ATG2B: variants seen among roughly 807,000 people sequenced by gnomAD.
ATG2B encodes autophagy related 2B.
In ATG2B, 121 loss-of-function variants were observed where a neutral mutation model predicts 241.3. That is an observed-to-expected ratio of 0.50 (90% confidence interval 0.43 to 0.58). The LOEUF is 0.58. Among genes scored for constraint, ATG2B ranks in the 20% least tolerant of loss-of-function variants. The pLI is 0.00. For synonymous variants in ATG2B, 858 were observed against 876.6 expected (o/e 0.98, Z 0.37); for missense variants, 2,306 against 2,491.6 (o/e 0.93, Z 1.59).
intron 5 of ATG2B, 74 bp from the exon 6 acceptor site, chr14:96,341,775 C>T (rs1309882018): frequency 7.0e-6 from 8 of 1,134,802 alleles, no homozygotes; most frequent in Admixed American, 3.1e-5. Context: ...ATATAAATGT[C>T]AACTTAAGAA....
At position 96,309,401 on chromosome 14, in the gene ATG2B, A is replaced by T. The variant is rs2289627; in HGVS notation, c.4303+52T>A. ...ATTAAATTTACGAGAACACAAATAAAGTAAGCCCCAACATTAACATCAGTG... is the reference window on the plus strand; with the variant it reads ...ATTAAATTTACGAGAACACAAATAATGTAAGCCCCAACATTAACATCAGTG... On this transcript the variant is annotated intron_variant, in intron 29 of 41. Transcript: ENST00000359933. 5.0e-3 allele frequency: 7,756 copies of T among 1,541,746 alleles called. 271 individuals carry two copies. In the South Asian group the frequency reaches 0.064, roughly 13 times the overall value.
rs760536921 is a variant in ATG2B, at chr14:96,292,066, C to T, written c.5459G>A (p.Arg1820Gln). The T allele has an allele frequency of 4.4e-6, 7 of 1,597,794 alleles. No homozygotes were observed. In the East Asian group the frequency reaches 6.8e-5, roughly 16 times the overall value. Residue 1820 changes from arginine (R) to glutamine (Q), a missense_variant, in exon 37 of 42, where the codon CGA becomes CAA. Physicochemically the swap from Arg to Gln is conservative, Grantham distance 43 (BLOSUM62 1). Around this residue, in one of 2 missense-constraint regions of ATG2B, gnomAD observed 379 missense variants for 480.4 expected, o/e 0.79. Transcript: ENST00000359933. ...EFRFTSEVPI[R>Q]LDYHGKHVSM... ...TACATGTTTGCCATGATAATCAAGT[C>T]GAATGGGAACTTCTGACGTGAATCT...
intron 29 of ATG2B, among the ~76,000 whole-genome samples, chr14:96,308,282 A>ATATATAT (rs1566720002): frequency 2.7e-5 from 1 of 37,036 alleles, no homozygotes; most frequent in Non-Finnish European, 5.1e-5. Context: ...ATATATATAT[A>ATATATAT]TTTTTTTTTT....
chr14:96,313,482 G>C lies in ATG2B; in HGVS notation c.3643-47C>G, dbSNP rs755374455. 6 of 1,043,536 alleles carry C rather than the reference G, an allele frequency of 5.7e-6. 1 individual carries two copies. Among genetic ancestry groups the C allele is most frequent in the Non-Finnish European group, 8.4e-6 (6 of 717,016 alleles). The allele number at this position is 1,043,536 out of a possible 1,614,324, so 64.6% of individuals were successfully genotyped here. ...ACGCCCTGCTTTAGAAGAAAAAAAA[G>C]GTTTCATATAATATCCTTAATACCA... On this transcript the variant is annotated intron_variant, in intron 23 of 41. Coordinates refer to ENST00000359933, the MANE Select transcript of ATG2B (RefSeq NM_018036.7).
At chr14:96,306,589 A>T (rs772269220) in intron 30 of ATG2B, 125 bp downstream of exon 30, 27 of 135,514 alleles carry the variant, frequency 2.0e-4, no homozygotes, top group Non-Finnish European at 2.5e-4. Context: ...ATAGTATATT[A>T]AAAAAAAAAA....
At chr14:96,337,981 A>T (rs1424854392) in intron 6 of ATG2B, among the ~76,000 whole-genome samples, 1 of 152,010 alleles carries the variant, frequency 6.6e-6, no homozygotes, top group Non-Finnish European at 1.5e-5. Flanking sequence ...TTGTAGAGAG[A>T]TTCAGCTCCT....
In ATG2B at chr14:96,295,152, C is replaced by T. The variant is rs768303742; in HGVS notation, c.5234G>A (p.Gly1745Glu). Reference sequence around the variant, plus strand: ...TGGCAAACTGCAGGTGACATCAGCTCCAGGAGACTTTTTAACTGAAAATGT... The same window carrying T: ...TGGCAAACTGCAGGTGACATCAGCTTCAGGAGACTTTTTAACTGAAAATGT... ...TPDPEVKKSP[G>E]ADVTCSLPRH... The change falls in exon 36 of 42, where the codon GGA (glycine) becomes GAA (glutamate). Residue 1745 changes from glycine to glutamate, a missense_variant. Around this residue, in one of 2 missense-constraint regions of ATG2B, gnomAD observed 379 missense variants for 480.4 expected, o/e 0.79. Coordinates refer to ENST00000359933, the MANE Select transcript of ATG2B (RefSeq NM_018036.7). The T allele has an allele frequency of 5.5e-5, 89 of 1,613,862 alleles. No individual in the cohort carries two copies. In the East Asian group the frequency reaches 1.8e-3, roughly 33 times the overall value.
intron 38 of ATG2B, among the ~76,000 whole-genome samples, chr14:96,291,137 A>G (rs1886472660): frequency 6.6e-6 from 1 of 152,204 alleles, no homozygotes; most frequent in Non-Finnish European, 1.5e-5. Flanking sequence ...TTCTCTAAAT[A>G]TACATATACA....
intron 1 of ATG2B, among the ~76,000 whole-genome samples, chr14:96,358,805 T>G (rs1313997148): frequency 1.3e-5 from 2 of 152,064 alleles, no homozygotes; most frequent in African/African-American, 4.8e-5. Flanking sequence ...AAATAACTCT[T>G]AAACTAAAAG....
chr14:96,309,326 T>C (rs1887086139), intron 29 of ATG2B, 127 bp downstream of exon 29: 1 of 1,185,592 alleles, frequency 8.4e-7, no homozygotes, highest in East Asian at 2.4e-5. Flanking sequence ...ACAAGCTGAA[T>C]GATTAACAGA....
In ATG2B at chr14:96,282,379, G is replaced by C. The variant is rs1886222106; in HGVS notation, c.*3376C>G. ...AAAGAACTTGACGGACATTCTCTCTGAAGTCTTAAGGAGGTCAAAAGTAAT... is the reference window on the plus strand; with the variant it reads ...AAAGAACTTGACGGACATTCTCTCTCAAGTCTTAAGGAGGTCAAAAGTAAT... On this transcript the variant is annotated 3_prime_UTR_variant, in exon 42 of 42. Transcript: ENST00000359933. 1 of 152,224 alleles carries C rather than the reference G, an allele frequency of 6.6e-6. No individual in the cohort carries two copies. The highest frequency in any genetic ancestry group is 1.5e-5 in the Non-Finnish European group (1 of 68,048). The allele number at this position is 152,224 out of a possible 1,614,324, so 9.4% of individuals were successfully genotyped here.
chr14:96,323,985 T>G lies in ATG2B; in HGVS notation c.2451A>C (p.Glu817Asp), dbSNP rs765168539. Residue 817 changes from glutamate to aspartate, a missense_variant, in exon 16 of 42, where the codon GAA (glutamate) becomes GAC (aspartate). Around this residue, in one of 2 missense-constraint regions of ATG2B, gnomAD observed 1,927 missense variants for 2,011.2 expected, o/e 0.96. Transcript: ENST00000359933. ...TFRELIGSFQ[E>D]EKGDPSIKFF... ...ACTTAATAGATGGATCTCCTTTCTC[T>G]TCCTGGAACGATCCTAAAAAAAAAG... is the stretch of plus-strand genomic sequence containing the variant. 4 of 1,593,814 alleles carry G rather than the reference T, an allele frequency of 2.5e-6. No homozygotes were observed. In the African/African-American group the frequency reaches 5.7e-5, roughly 23 times the overall value.
intron 23 of ATG2B, 55 bp from the exon 24 acceptor site, chr14:96,313,490 A>G (rs776399820): frequency 1.1e-5 from 10 of 921,506 alleles, no homozygotes; most frequent in Non-Finnish European, 1.6e-5. Context: ...AAGGTTTCAT[A>G]TAATATCCTT....
chr14:96,313,110 C>A lies in ATG2B; in HGVS notation c.3797G>T (p.Ser1266Ile). ...ATCCAATGCAACGCTACTGGAAACACTGAATGTTTCCACGGTAAGAAGAGA... is the reference window on the plus strand; with the variant it reads ...ATCCAATGCAACGCTACTGGAAACAATGAATGTTTCCACGGTAAGAAGAGA... ...IRSLLTVETFSVSSSVALDKS... is the reference protein window; with the variant it reads ...IRSLLTVETFIVSSSVALDKS... Residue 1266 changes from serine (S) to isoleucine (I), a missense_variant, in exon 25 of 42, where the codon AGT (serine) becomes ATT (isoleucine). Coordinates refer to ENST00000359933, the MANE Select transcript of ATG2B (RefSeq NM_018036.7). 1 of 1,613,594 alleles carries A rather than the reference C, an allele frequency of 6.2e-7. No individual in the cohort carries two copies. The highest frequency in any genetic ancestry group is 8.5e-7 in the Non-Finnish European group (1 of 1,179,714).
Position 96,285,686 on chromosome 14 carries a change from G to A in ATG2B, c.*69C>T, listed in dbSNP as rs1886314501. On this transcript the variant is annotated 3_prime_UTR_variant, in exon 42 of 42. Coordinates refer to ENST00000359933, the MANE Select transcript of ATG2B (RefSeq NM_018036.7). This position sits in a 1 kb window ranked among gnomAD's most constrained non-coding sequence, Gnocchi z 4.2. ...CAATAAAATTAAACGAGCTTCCTCT[G>A]AAGCTGCTGTCAGGACTCTGAGCTC... 1.8e-5 allele frequency: 25 copies of A among 1,422,578 alleles called. No individual in the cohort carries two copies. The highest frequency in any genetic ancestry group is 3.5e-5 in the Admixed American group (2 of 56,796). 88.1% of individuals were successfully genotyped at this position (1,422,578 alleles called of 1,614,324 possible).
At chr14:96,337,837 T>C (rs1887906298) in intron 6 of ATG2B, among the ~76,000 whole-genome samples, 1 of 152,118 alleles carries the variant, frequency 6.6e-6, no homozygotes. Context: ...TGATGGGAAT[T>C]GCATTGAATA....
chr14:96,324,341 C>T (rs935618845), intron 15 of ATG2B, among the ~76,000 whole-genome samples: 2 of 152,120 alleles, frequency 1.3e-5, no homozygotes, highest in African/African-American at 2.4e-5. Flanking sequence ...AACTACATTT[C>T]TTAAATATGT....
intron 41 of ATG2B, among the ~76,000 whole-genome samples, chr14:96,288,192 T>C (rs1886390266): frequency 3.3e-5 from 5 of 152,124 alleles, no homozygotes; most frequent in Admixed American, 3.3e-4. Flanking sequence ...TCCACTCCCT[T>C]TTCTCTGTGG....
chr14:96,325,166 T>C (rs1488384082), intron 15 of ATG2B, among the ~76,000 whole-genome samples: 3 of 152,208 alleles, frequency 2.0e-5, no homozygotes, highest in African/African-American at 7.2e-5. Flanking sequence ...GATTCTGCCA[T>C]TGACTACAAC....
Sources: allele counts gnomAD v4.1 joint callset (sites outside exome capture counted in the v4.1 genomes callset), GRCh38; gene constraint gnomAD v4.1.1; regional missense constraint gnomAD v4.1.1; non-coding constraint Gnocchi (gnomAD v3.1); transcripts MANE v1.5; gene names NCBI Gene and HGNC (gene_info 2026-07-23, HGNC 2026-07-21).